Variants in LRMDA observed in about 807,000 individuals in gnomAD.
LRMDA encodes the protein leucine rich melanocyte differentiation associated.
LRMDA carries 18 observed loss-of-function variants against 29.8 expected under a neutral mutation model. That is an observed-to-expected ratio of 0.60 (90% confidence interval 0.42 to 0.90). LRMDA has a LOEUF of 0.90. Ranked by LOEUF, LRMDA falls within the 40% of genes least tolerant of loss-of-function variation. LRMDA has a pLI of 0.00. For synonymous variants in LRMDA, 125 were observed against 109.4 expected (o/e 1.14, Z -0.89); for missense variants, 273 against 273.9 (o/e 1.00, Z 0.02).
At chr10:75,750,491 G>T (rs1842947897) in intron 2 of LRMDA, among the ~76,000 whole-genome samples, 1 of 135,080 alleles carries the variant, frequency 7.4e-6, no homozygotes, top group Non-Finnish European at 1.6e-5. Flanking sequence ...GGCGGGGGGT[G>T]GGGGGCAGAG....
intron 6 of LRMDA, among the ~76,000 whole-genome samples, chr10:76,412,359 T>C (rs1276004530): frequency 6.6e-6 from 1 of 152,176 alleles, no homozygotes; most frequent in Non-Finnish European, 1.5e-5. Context: ...GGTGGACTCT[T>C]CTGATGTAAG....
chr10:75,992,133 A>C (rs1847380892), intron 2 of LRMDA, among the ~76,000 whole-genome samples: 1 of 152,174 alleles, frequency 6.6e-6, no homozygotes. Context: ...CATTATGCAC[A>C]TGAGGAAAAA....
chr10:76,281,009 C>T (rs1359488036), intron 5 of LRMDA, among the ~76,000 whole-genome samples: 3 of 152,188 alleles, frequency 2.0e-5, no homozygotes, highest in Non-Finnish European at 4.4e-5. Flanking sequence ...TAGTCCAACT[C>T]TCCACACACA....
chr10:75,914,603 C>T (rs1365367860), intron 2 of LRMDA, among the ~76,000 whole-genome samples: 1 of 152,128 alleles, frequency 6.6e-6, no homozygotes, highest in Non-Finnish European at 1.5e-5. Flanking sequence ...TCTATTGGTT[C>T]CCTTTTATGG....
chr10:76,462,786 G>C (rs775034666), intron 6 of LRMDA, among the ~76,000 whole-genome samples: 1 of 152,174 alleles, frequency 6.6e-6, no homozygotes, highest in Non-Finnish European at 1.5e-5. Flanking sequence ...TGGACAACTG[G>C]GAAAGCACAC....
chr10:76,462,693 T>A (rs558278219), intron 6 of LRMDA, among the ~76,000 whole-genome samples: 2 of 152,262 alleles, frequency 1.3e-5, no homozygotes, highest in East Asian at 3.9e-4. Context: ...GCAGTACATG[T>A]GAGGAGAGGA....
At chr10:75,607,782 T>C (rs1366951699) in intron 2 of LRMDA, among the ~76,000 whole-genome samples, 1 of 151,088 alleles carries the variant, frequency 6.6e-6, no homozygotes, top group African/African-American at 2.4e-5. Flanking sequence ...CTTTAAAAAA[T>C]TGTGATTCCT....
intron 2 of LRMDA, among the ~76,000 whole-genome samples, chr10:75,568,919 T>A (rs1207494438): frequency 6.6e-6 from 1 of 152,180 alleles, no homozygotes; most frequent in African/African-American, 2.4e-5. Context: ...TGTGACTAAT[T>A]CCACCACTGA....
chr10:75,590,431 T>TA (rs34528181), intron 2 of LRMDA, among the ~76,000 whole-genome samples: 93,049 of 152,016 alleles, frequency 0.61, 31,491 homozygotes, highest in East Asian at 0.85. Context: ...ATGGTTTCCT[T>TA]AAAAAAAGTT....
intron 6 of LRMDA, among the ~76,000 whole-genome samples, chr10:76,413,375 C>G (rs1443785578): frequency 6.6e-6 from 1 of 152,168 alleles, no homozygotes; most frequent in African/African-American, 2.4e-5. Flanking sequence ...ACCGTTCTAC[C>G]TGGCTGGGGA....
At chr10:75,703,368 A>G (rs1490837111) in intron 2 of LRMDA, among the ~76,000 whole-genome samples, 1 of 152,206 alleles carries the variant, frequency 6.6e-6, no homozygotes, top group African/African-American at 2.4e-5. Context: ...CCGATCTGAG[A>G]GAGTTCCGTT....
At chr10:75,459,690 ACC>A (rs1339745794) in intron 2 of LRMDA, among the ~76,000 whole-genome samples, 6 of 152,184 alleles carry the variant, frequency 3.9e-5, no homozygotes, top group Non-Finnish European at 8.8e-5. Context: ...TAGACAGTAT[ACC>A]TGAGATTGGG....
rs141965740 is a variant in LRMDA at position 76,410,200 on chromosome 10, A to G, written c.601+85715A>G. Among the ~76,000 whole-genome samples the G allele has an allele frequency of 1.2e-3, 188 of 152,072 alleles. 1 individual carries two copies. Among genetic ancestry groups the G allele is most frequent in the African/African-American group, 4.2e-3 (175 of 41,492 alleles). On this transcript the variant is annotated intron_variant, in intron 6 of 6. Transcript: ENST00000611255. ...AGAGTAAGGAGGTGATCGAGGAGCT[A>G]ATAGCGGAGGTGCATGGGGTAAGAT...
intron 6 of LRMDA, among the ~76,000 whole-genome samples, chr10:76,444,777 TG>T (rs1842337334): frequency 6.6e-6 from 1 of 151,900 alleles, no homozygotes; most frequent in African/African-American, 2.4e-5. Flanking sequence ...AGAAGGACAA[TG>T]GGGAAAAAAA....
chr10:75,689,816 G>GCC (rs1842122898), intron 2 of LRMDA, among the ~76,000 whole-genome samples: 1 of 152,208 alleles, frequency 6.6e-6, no homozygotes, highest in African/African-American at 2.4e-5. Flanking sequence ...CTGCTGGGAG[G>GCC]GAAGGCGCCT....
intron 2 of LRMDA, among the ~76,000 whole-genome samples, chr10:75,958,687 A>G (rs1846707646): frequency 6.6e-6 from 1 of 152,218 alleles, no homozygotes; most frequent in Non-Finnish European, 1.5e-5. Context: ...AGAATTTGCT[A>G]CTGGGTTGTA....
At chr10:76,357,982 A>G (rs1841263277) in intron 6 of LRMDA, among the ~76,000 whole-genome samples, 4 of 152,200 alleles carry the variant, frequency 2.6e-5, no homozygotes, top group African/African-American at 9.6e-5. Context: ...TGGTAAATGA[A>G]GTGTGTACAA....
At chr10:76,073,733 C>T (rs1272706336) in intron 5 of LRMDA, among the ~76,000 whole-genome samples, 1 of 152,158 alleles carries the variant, frequency 6.6e-6, no homozygotes, top group Non-Finnish European at 1.5e-5. Flanking sequence ...ATTGCACCTA[C>T]CCAGGCTAGA....
At chr10:76,331,022 G>C (rs528492860) in intron 6 of LRMDA, among the ~76,000 whole-genome samples, 1 of 152,176 alleles carries the variant, frequency 6.6e-6, no homozygotes, top group African/African-American at 2.4e-5. Flanking sequence ...TGTAATCCCA[G>C]CACTTTGGGA....
Sources: allele counts gnomAD v4.1 joint callset (sites outside exome capture counted in the v4.1 genomes callset), GRCh38; gene constraint gnomAD v4.1.1; transcripts MANE v1.5; gene names NCBI Gene and HGNC (gene_info 2026-07-23, HGNC 2026-07-21).